GREM2: variants seen among roughly 807,000 people sequenced by gnomAD.
GREM2 encodes the protein gremlin-2.
In GREM2, 11 loss-of-function variants were observed where a neutral mutation model predicts 14.2. The ratio of observed to expected loss-of-function variants is 0.78; its 90% CI spans 0.49 to 1.28. GREM2 has a LOEUF of 1.28. GREM2 is among the 50% of genes most tolerant of loss of function. The pLI, the probability that GREM2 is intolerant of heterozygous loss-of-function variation, is 0.00. For missense variants in GREM2, 210 were observed against 218.5 expected (o/e 0.96, Z 0.24); for synonymous variants, 98 against 97.6 (o/e 1.00, Z -0.02).
rs185685220 is a variant in GREM2, at chr1:240,543,200, C to A, written c.-1-49724G>T. The stretch of plus-strand genomic sequence containing the variant: ...GCTTGCTTCACTGAAGACTGCTCTA[C>A]GGCCTAGGACAGTAATCAGAGAAAA... On this transcript the variant is annotated intron_variant, in intron 1 of 1. Coordinates refer to ENST00000318160, the MANE Select transcript of GREM2 (RefSeq NM_022469.4). This position sits in a 1 kb window ranked among gnomAD's most constrained non-coding sequence, Gnocchi z 6.4. Among the ~76,000 whole-genome samples the A allele has an allele frequency of 6.6e-6, 1 of 152,172 alleles. No individual in the cohort carries two copies. The highest frequency in any genetic ancestry group is 1.5e-5 in the Non-Finnish European group (1 of 68,032).
chr1:240,539,598 T>G (rs1678543915), intron 1 of GREM2, among the ~76,000 whole-genome samples: 1 of 152,236 alleles, frequency 6.6e-6, no homozygotes, highest in South Asian at 2.1e-4. Flanking sequence ...TTTCTGGGAC[T>G]TTGAAAGCCT....
At chr1:240,507,984 TG>T (rs1421779932) in intron 1 of GREM2, among the ~76,000 whole-genome samples, 2 of 152,176 alleles carry the variant, frequency 1.3e-5, no homozygotes, top group Non-Finnish European at 2.9e-5. Flanking sequence ...CCCACAGCAT[TG>T]GGAACCCAAG....
At chr1:240,585,063 G>C (rs1558172876) in intron 1 of GREM2, among the ~76,000 whole-genome samples, 1 of 152,176 alleles carries the variant, frequency 6.6e-6, no homozygotes, top group Non-Finnish European at 1.5e-5. Context: ...CCTGTTGCAA[G>C]ACCTTTACCT....
At chr1:240,506,533 ACAAT>A (rs1199084333) in intron 1 of GREM2, among the ~76,000 whole-genome samples, 1 of 152,184 alleles carries the variant, frequency 6.6e-6, no homozygotes, top group African/African-American at 2.4e-5. Flanking sequence ...ATAATCAGAA[ACAAT>A]CAATCAGGAG....
intron 1 of GREM2, among the ~76,000 whole-genome samples, chr1:240,545,868 C>T (rs980993327): frequency 6.6e-6 from 1 of 152,154 alleles, no homozygotes; most frequent in Admixed American, 6.5e-5. Context: ...ATCCGGAGCA[C>T]CCCTGCTTTG....
chr1:240,559,047 C>T (rs959282119), intron 1 of GREM2, among the ~76,000 whole-genome samples: 5 of 151,970 alleles, frequency 3.3e-5, no homozygotes, highest in African/African-American at 1.2e-4. Flanking sequence ...TCCCTTTCTA[C>T]GTAATTATTG....
chr1:240,567,067 G>A (rs541906682), intron 1 of GREM2, among the ~76,000 whole-genome samples: 2 of 152,048 alleles, frequency 1.3e-5, no homozygotes, highest in Admixed American at 6.6e-5. Flanking sequence ...TTAAAAATAC[G>A]CTGGATAGGA....
At chr1:240,529,901 C>T (rs1382588347) in intron 1 of GREM2, among the ~76,000 whole-genome samples, 2 of 152,108 alleles carry the variant, frequency 1.3e-5, no homozygotes, top group African/African-American at 4.8e-5. Context: ...AGAGGCAGCC[C>T]TTACTTTCAC....
chr1:240,590,782 T>C (rs1420176334), intron 1 of GREM2: 2 of 151,266 alleles, frequency 1.3e-5, no homozygotes, highest in Non-Finnish European at 2.9e-5. Context: ...CTTTTTTTTT[T>C]TCTTTTTTCT....
intron 1 of GREM2, among the ~76,000 whole-genome samples, chr1:240,562,725 GTA>G (rs1553276879): frequency 4.7e-5 from 7 of 147,946 alleles, no homozygotes; most frequent in South Asian, 2.1e-4. Context: ...GTGTGTGTGT[GTA>G]TGTGTGTATA....
chr1:240,585,954 A>G (rs1483012799), intron 1 of GREM2, among the ~76,000 whole-genome samples: 2 of 151,324 alleles, frequency 1.3e-5, no homozygotes, highest in African/African-American at 4.9e-5. Context: ...TCTCAGAACA[A>G]TTTTCCCACT....
intron 1 of GREM2, among the ~76,000 whole-genome samples, chr1:240,579,330 G>A (rs1679435571): frequency 1.3e-5 from 2 of 152,074 alleles, no homozygotes; most frequent in African/African-American, 4.8e-5. Context: ...AAATATTTGA[G>A]GGCAGATATG....
intron 1 of GREM2, among the ~76,000 whole-genome samples, chr1:240,515,821 T>C (rs940317979): frequency 1.3e-5 from 2 of 152,270 alleles, no homozygotes; most frequent in African/African-American, 4.8e-5. Flanking sequence ...CCACTTGGTG[T>C]TTGCATTGGT....
At chr1:240,510,262 C>A (rs1164458339) in intron 1 of GREM2, among the ~76,000 whole-genome samples, 1 of 141,448 alleles carries the variant, frequency 7.1e-6, no homozygotes, top group Non-Finnish European at 1.5e-5. Flanking sequence ...CCCAGCTAGT[C>A]GGGAGGCTGA....
chr1:240,534,278 C>T (rs1363440739), intron 1 of GREM2, among the ~76,000 whole-genome samples: 1 of 152,092 alleles, frequency 6.6e-6, no homozygotes, highest in African/African-American at 2.4e-5. Flanking sequence ...AAAGGGAAGG[C>T]AGGGACAAGG....
chr1:240,564,351 T>A (rs1176467624), intron 1 of GREM2, among the ~76,000 whole-genome samples: 1 of 151,094 alleles, frequency 6.6e-6, no homozygotes, highest in Non-Finnish European at 1.5e-5. Flanking sequence ...TACCAAAAAA[T>A]ACAAAAATTA....
Position 240,490,600 on chromosome 1 carries a change from T to A in GREM2, c.*2369A>T, listed in dbSNP as rs993890854. Reference sequence around the variant, plus strand: ...TTCATTTATAAACAAAACAAAAAAATTAAATACAATTTGAGCCATTATAAG... The same window carrying A: ...TTCATTTATAAACAAAACAAAAAAAATAAATACAATTTGAGCCATTATAAG... On this transcript the variant is annotated 3_prime_UTR_variant, in exon 2 of 2. Transcript: ENST00000318160. The A allele has an allele frequency of 1.4e-4, 21 of 152,622 alleles. No homozygotes were observed. The highest frequency in any genetic ancestry group is 5.1e-4 in the African/African-American group (21 of 41,432). The allele number at this position is 152,622 out of a possible 1,614,324, so 9.5% of individuals were successfully genotyped here.
At chr1:240,504,865 T>C (rs908022134) in intron 1 of GREM2, among the ~76,000 whole-genome samples, 4 of 152,196 alleles carry the variant, frequency 2.6e-5, no homozygotes, top group African/African-American at 7.2e-5. Context: ...GAAAATACAT[T>C]GTATTATATT....
At chr1:240,579,820 G>A (rs1014053514) in intron 1 of GREM2, among the ~76,000 whole-genome samples, 5 of 152,200 alleles carry the variant, frequency 3.3e-5, no homozygotes, top group African/African-American at 1.2e-4. Context: ...TTCTGGGGGA[G>A]AGAAGGACAT....
Sources: gnomAD v4.1 joint callset for allele counts (sites outside exome capture counted in the v4.1 genomes callset) on GRCh38, gnomAD v4.1.1 for gene constraint, Gnocchi (gnomAD v3.1) non-coding constraint, MANE v1.5 for transcripts, NCBI Gene and HGNC (gene_info 2026-07-23, HGNC 2026-07-21) for gene names.